Variants in CORIN observed in about 807,000 individuals in gnomAD.
CORIN encodes the protein corin, serine peptidase.
CORIN carries 117 observed loss-of-function variants against 125.3 expected under a neutral mutation model. The observed-to-expected ratio is 0.93, with a 90% CI of 0.80 to 1.09. The LOEUF (loss-of-function observed/expected upper bound fraction) is 1.09. Ranked by LOEUF, CORIN falls within the 50% of genes least tolerant of loss-of-function variation. CORIN has a pLI of 0.00. For synonymous variants in CORIN, 450 were observed against 466.4 expected (o/e 0.96, Z 0.45); for missense variants, 1,253 against 1,306.7 (o/e 0.96, Z 0.63).
At chr4:47,775,532 T>C (rs1291103326) in intron 3 of CORIN, among the ~76,000 whole-genome samples, 1 of 152,170 alleles carries the variant, frequency 6.6e-6, no homozygotes, top group African/African-American at 2.4e-5. Context: ...TCCATGTCCC[T>C]ACAAAGTCAT....
chr4:47,685,245 C>T (rs773635085), intron 6 of CORIN, among the ~76,000 whole-genome samples: 2 of 152,078 alleles, frequency 1.3e-5, no homozygotes, highest in Non-Finnish European at 2.9e-5. Flanking sequence ...TATTCATAAG[C>T]CAAACACTGG....
Position 47,595,509 on chromosome 4 carries a change from C to T in CORIN, c.*212G>A. On this transcript the variant is annotated 3_prime_UTR_variant, in exon 22 of 22. Coordinates refer to ENST00000273857, the MANE Select transcript of CORIN (RefSeq NM_006587.4). ...TCTGCTTTGTTTGCTTTTGTAAAGT[C>T]TTTCATTGAACTTGAAATAAGAGAA... 2.8e-6 allele frequency: 1 copy of T among 362,620 alleles called. No homozygotes were observed. Among genetic ancestry groups the T allele is most frequent in the Non-Finnish European group, 4.9e-6 (1 of 202,492 alleles). 22.5% of individuals were successfully genotyped at this position (362,620 alleles called of 1,614,324 possible). A position where few individuals can be genotyped will look rare whatever the true frequency, so the allele number is the denominator to read the frequency against.
At chr4:47,595,977 T>C in intron 21 of CORIN, 74 bp from the exon 22 acceptor site, 6 of 1,270,102 alleles carry the variant, frequency 4.7e-6, no homozygotes, top group East Asian at 2.4e-5. Flanking sequence ...ATCCTGAGGA[T>C]ACTATAAAGC....
chr4:47,786,504 G>A (rs1375783365), intron 3 of CORIN, among the ~76,000 whole-genome samples: 1 of 152,066 alleles, frequency 6.6e-6, no homozygotes, highest in Non-Finnish European at 1.5e-5. Flanking sequence ...TTGCACCACT[G>A]CACTTCAGCC....
chr4:47,781,591 T>TA (rs959664471), intron 3 of CORIN, among the ~76,000 whole-genome samples: 11 of 152,366 alleles, frequency 7.2e-5, no homozygotes, highest in African/African-American at 2.4e-4. Context: ...AGTTTCAACT[T>TA]ACAATGGGTT....
At chr4:47,687,678 C>A (rs1725577541) in intron 6 of CORIN, among the ~76,000 whole-genome samples, 1 of 152,114 alleles carries the variant, frequency 6.6e-6, no homozygotes, top group Non-Finnish European at 1.5e-5. Flanking sequence ...GAATGTGTTG[C>A]CTCAACTCAA....
In CORIN at chr4:47,595,804, C is replaced by G. The variant is rs368531156; in HGVS notation, c.3046G>C (p.Gly1016Arg). ...GACACATTACTATAAACGCCAGGCC[C>G]CAGGACTTTGGAAAAGCAGACGGAG... ...WGSVCFSKVLGPGVYSNVSYF... is the reference protein window; with the variant it reads ...WGSVCFSKVLRPGVYSNVSYF... Residue 1016 changes from glycine (G) to arginine (R), a missense_variant, in exon 22 of 22, where the codon GGG becomes CGG. Gly to Arg is a moderately radical substitution (Grantham distance 125). Coordinates refer to ENST00000273857, the MANE Select transcript of CORIN (RefSeq NM_006587.4). 1.2e-6 allele frequency: 2 copies of G among 1,613,668 alleles called. No homozygotes were observed. The highest frequency in any genetic ancestry group is 2.2e-5 in the East Asian group (1 of 44,886).
intron 2 of CORIN, among the ~76,000 whole-genome samples, chr4:47,805,147 A>G (rs965891893): frequency 6.8e-6 from 1 of 146,400 alleles, no homozygotes; most frequent in Non-Finnish European, 1.5e-5. Flanking sequence ...AAAAAAAAAA[A>G]AAATAATAAT....
chr4:47,748,296 C>A (rs1728754130), intron 4 of CORIN, among the ~76,000 whole-genome samples: 3 of 152,188 alleles, frequency 2.0e-5, no homozygotes, highest in Non-Finnish European at 4.4e-5. Context: ...GAATATGTGT[C>A]TATATCCAAG....
intron 5 of CORIN, among the ~76,000 whole-genome samples, chr4:47,717,932 C>G (rs1343850989): frequency 6.6e-6 from 1 of 151,996 alleles, no homozygotes; most frequent in Non-Finnish European, 1.5e-5. Flanking sequence ...AACCCCATAT[C>G]ACACCACCGA....
rs757050368 is a variant in CORIN at position 47,744,432 on chromosome 4, A to G, written c.769T>C (p.Phe257Leu). The change falls in exon 5 of 22, where the codon TTC becomes CTC. Residue 257 changes from phenylalanine (F) to leucine (L), a missense_variant. Phe to Leu is a conservative substitution (Grantham distance 22). Coordinates refer to ENST00000273857, the MANE Select transcript of CORIN (RefSeq NM_006587.4). Reference protein sequence around the residue: ...TESSNVSRICFSPQQENGKQL... With the variant: ...TESSNVSRICLSPQQENGKQL... ...TTTCCGTTTTCCTGCTGAGGTGAGA[A>G]GCAAATTCTGCTGACATTGCTGCTT... The G allele has an allele frequency of 3.7e-6, 6 of 1,614,036 alleles. No individual in the cohort carries two copies. The highest frequency in any genetic ancestry group is 4.5e-5 in the East Asian group (2 of 44,866).
chr4:47,712,946 G>C (rs927595403), intron 5 of CORIN, among the ~76,000 whole-genome samples: 2 of 152,118 alleles, frequency 1.3e-5, no homozygotes, highest in Admixed American at 6.5e-5. Context: ...ATCACTGTAA[G>C]GTTTCCCCGA....
intron 5 of CORIN, among the ~76,000 whole-genome samples, chr4:47,710,235 T>A (rs1039130570): frequency 5.3e-5 from 8 of 152,216 alleles, no homozygotes; most frequent in Non-Finnish European, 1.2e-4. Context: ...ATCTTCCTCA[T>A]TAATAATTGG....
chr4:47,772,076 CATAGATAGATAGATAG>C (rs57915863), intron 3 of CORIN, among the ~76,000 whole-genome samples: 1 of 149,014 alleles, frequency 6.7e-6, no homozygotes, highest in African/African-American at 2.5e-5. Context: ...TTTCACATTA[CATAGATAGATAGATAG>C]ATAGATAGAT....
At chr4:47,819,143 T>G (rs1732397035) in intron 1 of CORIN, among the ~76,000 whole-genome samples, 1 of 152,090 alleles carries the variant, frequency 6.6e-6, no homozygotes. Context: ...CATAATAGAT[T>G]GAGTCCAAGC....
At chr4:47,813,382 A>G (rs1382439375) in intron 1 of CORIN, among the ~76,000 whole-genome samples, 1 of 152,230 alleles carries the variant, frequency 6.6e-6, no homozygotes, top group African/African-American at 2.4e-5. Context: ...CAAACAAAAC[A>G]AAACCTATCC....
chr4:47,795,967 ATGT>A (rs1485137142), intron 2 of CORIN, among the ~76,000 whole-genome samples: 1 of 152,076 alleles, frequency 6.6e-6, no homozygotes, highest in Non-Finnish European at 1.5e-5. Flanking sequence ...AAGATAACAG[ATGT>A]TGGTGATAAT....
intron 1 of CORIN, among the ~76,000 whole-genome samples, chr4:47,830,213 C>A (rs1732920041): frequency 6.6e-6 from 1 of 152,036 alleles, no homozygotes; most frequent in South Asian, 2.1e-4. Context: ...AACAATAAAT[C>A]CCACATGGTG....
chr4:47,600,199 C>A lies in CORIN; in HGVS notation c.2946+15G>T, dbSNP rs188200959. 1.9e-6 allele frequency: 3 copies of A among 1,598,464 alleles called. No homozygotes were observed. The highest frequency in any genetic ancestry group is 2.6e-6 in the Non-Finnish European group (3 of 1,170,684). On this transcript the variant is annotated intron_variant, in intron 21 of 21. Coordinates refer to ENST00000273857, the MANE Select transcript of CORIN (RefSeq NM_006587.4). ...TGTTGAACTGAATCTCCTTGGTAAC[C>A]AGAAAGCAACTTACCATGCATGAAT...
Sources: gnomAD v4.1 joint callset for allele counts (sites outside exome capture counted in the v4.1 genomes callset) on GRCh38, gnomAD v4.1.1 for gene constraint, MANE v1.5 for transcripts, NCBI Gene and HGNC (gene_info 2026-07-23, HGNC 2026-07-21) for gene names.